The following ROBO1 variants were observed in gnomAD, a reference collection of about 807,000 sequenced individuals.
ROBO1 encodes roundabout guidance receptor 1.
Under a neutral mutation model 195.9 loss-of-function variants are expected in ROBO1, and 149 were observed. That is an observed-to-expected ratio of 0.76 (90% CI 0.67 to 0.87). The LOEUF is 0.87. Ranked by LOEUF, ROBO1 falls within the 40% of genes least tolerant of loss-of-function variation. The probability of loss-of-function intolerance (pLI) is 0.00; values close to 1 mark genes in which losing one functional copy is unlikely to be tolerated. For missense variants in ROBO1, 1,933 were observed against 2,068.3 expected, an observed-to-expected ratio of 0.93 and a Z score of 1.27; for synonymous variants, 816 against 733.2, an observed-to-expected ratio of 1.11 and a Z score of -1.82.
At chr3:79,306,636 A>G (rs2033237004) in intron 2 of ROBO1, among the ~76,000 whole-genome samples, 1 of 152,258 alleles carries the variant, frequency 6.6e-6, no homozygotes, top group African/African-American at 2.4e-5. Context: ...ATCAATATAT[A>G]GTATTATTTT....
At chr3:79,703,858 G>T (rs1947691069) in intron 1 of ROBO1, among the ~76,000 whole-genome samples, 1 of 151,880 alleles carries the variant, frequency 6.6e-6, no homozygotes, top group Non-Finnish European at 1.5e-5. Flanking sequence ...GGACCACTTA[G>T]ATTTTTGTGA....
chr3:79,027,784 T>C (rs1230965807), intron 3 of ROBO1, among the ~76,000 whole-genome samples: 1 of 152,050 alleles, frequency 6.6e-6, no homozygotes, highest in Non-Finnish European at 1.5e-5. Flanking sequence ...CACTATATAC[T>C]TCTTTAAAGC....
intron 2 of ROBO1, among the ~76,000 whole-genome samples, chr3:79,435,612 A>G (rs1315418570): frequency 1.3e-5 from 2 of 152,174 alleles, no homozygotes; most frequent in Admixed American, 6.6e-5. Flanking sequence ...CACAAACAAC[A>G]TTACTGAGAT....
At chr3:79,483,546 T>C (rs184226259) in intron 2 of ROBO1, among the ~76,000 whole-genome samples, 1 of 152,306 alleles carries the variant, frequency 6.6e-6, no homozygotes, top group African/African-American at 2.4e-5. Context: ...CAAACCTAGA[T>C]GCTATAGCCT....
chr3:79,637,451 T>C (rs566046696), intron 1 of ROBO1, among the ~76,000 whole-genome samples: 2 of 120,642 alleles, frequency 1.7e-5, no homozygotes, highest in African/African-American at 6.7e-5. Context: ...AACTCACGTT[T>C]GATTGATTTT....
chr3:79,128,534 A>G (rs147667205), intron 2 of ROBO1, among the ~76,000 whole-genome samples: 3 of 152,318 alleles, frequency 2.0e-5, no homozygotes, highest in Non-Finnish European at 2.9e-5. Context: ...CCAGTATTCT[A>G]TGCAAAGCGG....
intron 2 of ROBO1, among the ~76,000 whole-genome samples, chr3:79,265,689 G>A (rs538286204): frequency 1.7e-3 from 252 of 151,242 alleles, no homozygotes; most frequent in African/African-American, 5.3e-3. Context: ...TTTTTCAATC[G>A]AATATTCTCA....
chr3:79,230,139 T>G (rs57725078), intron 2 of ROBO1, among the ~76,000 whole-genome samples: 4,647 of 152,130 alleles, frequency 0.031, 203 homozygotes, highest in African/African-American at 0.1. Context: ...CTTCAATCTA[T>G]ACCCATAAAT....
chr3:78,978,026 C>A (rs2076918048), intron 3 of ROBO1, among the ~76,000 whole-genome samples: 1 of 152,164 alleles, frequency 6.6e-6, no homozygotes, highest in Non-Finnish European at 1.5e-5. Flanking sequence ...GTATTCAAAT[C>A]TGCAATATGC....
chr3:79,498,546 C>T (rs1939874370), intron 2 of ROBO1, among the ~76,000 whole-genome samples: 1 of 152,064 alleles, frequency 6.6e-6, no homozygotes, highest in Non-Finnish European at 1.5e-5. Flanking sequence ...GGTAGCGCAA[C>T]TAATAGTATA....
chr3:79,218,717 C>A (rs1339817313), intron 2 of ROBO1, among the ~76,000 whole-genome samples: 2 of 151,862 alleles, frequency 1.3e-5, no homozygotes, highest in African/African-American at 4.8e-5. Context: ...GAGACTCCCT[C>A]GAGTCCCAAG....
intron 2 of ROBO1, among the ~76,000 whole-genome samples, chr3:79,379,187 TCAAGA>T (rs1255660442): frequency 6.6e-6 from 1 of 152,172 alleles, no homozygotes; most frequent in Non-Finnish European, 1.5e-5. Flanking sequence ...AAAATGTATT[TCAAGA>T]CAAGATACTA....
chr3:79,490,134 A>C (rs1447565990), intron 2 of ROBO1, among the ~76,000 whole-genome samples: 1 of 152,168 alleles, frequency 6.6e-6, no homozygotes, highest in East Asian at 1.9e-4. Context: ...ATGCTTTCCT[A>C]TAATTTCCGT....
intron 2 of ROBO1, among the ~76,000 whole-genome samples, chr3:79,267,401 G>C (rs981481726): frequency 6.6e-6 from 1 of 151,452 alleles, no homozygotes; most frequent in Non-Finnish European, 1.5e-5. Context: ...TTCAGTCAAG[G>C]TGATAGTCTA....
intron 25 of ROBO1, among the ~76,000 whole-genome samples, chr3:78,628,797 C>A (rs940215267): frequency 2.0e-5 from 3 of 152,144 alleles, no homozygotes; most frequent in Non-Finnish European, 4.4e-5. Flanking sequence ...TGACTTCTTT[C>A]TTCTCCCTCA....
At chr3:78,697,163 T>A (rs1278957845) in intron 8 of ROBO1, among the ~76,000 whole-genome samples, 1 of 151,804 alleles carries the variant, frequency 6.6e-6, no homozygotes, top group Non-Finnish European at 1.5e-5. Context: ...AAATCTTCTA[T>A]GTACTAAGAA....
At chr3:79,515,203 T>C (rs907904393) in intron 2 of ROBO1, among the ~76,000 whole-genome samples, 6 of 152,196 alleles carry the variant, frequency 3.9e-5, no homozygotes. Context: ...TCATGCATTA[T>C]GAAAGCCAGC....
chr3:79,209,922 A>C lies in ROBO1; in HGVS notation c.89-84383T>G, dbSNP rs184321177. Among the ~76,000 whole-genome samples, 518 of 152,278 alleles carry C rather than the reference A, an allele frequency of 3.4e-3. 2 individuals carry two copies. The highest frequency in any genetic ancestry group is 5.9e-3 in the Non-Finnish European group (401 of 67,996). On this transcript the variant is annotated intron_variant, in intron 2 of 30. Coordinates refer to ENST00000464233, the MANE Select transcript of ROBO1 (RefSeq NM_002941.4). The stretch of plus-strand genomic sequence containing the variant: ...GACCAAACTGATTATCAAATTAAGA[A>C]TTCAATCCCCTTTTTTAACAGCTGC...
At chr3:79,145,570 T>C (rs1347038728) in intron 2 of ROBO1, among the ~76,000 whole-genome samples, 1 of 152,026 alleles carries the variant, frequency 6.6e-6, no homozygotes, top group Non-Finnish European at 1.5e-5. Flanking sequence ...ACAAACCTTA[T>C]GTAAGCTAAA....
Sources: gnomAD v4.1 joint callset for allele counts (sites outside exome capture counted in the v4.1 genomes callset) on GRCh38, gnomAD v4.1.1 for gene constraint, MANE v1.5 for transcripts, NCBI Gene and HGNC (gene_info 2026-07-23, HGNC 2026-07-21) for gene names.